The following SSBP2 variants were observed in gnomAD, a reference collection of about 807,000 sequenced individuals.
The protein encoded by SSBP2 is single-stranded DNA-binding protein 2.
In SSBP2, 17 loss-of-function variants were observed where a neutral mutation model predicts 61.8. That is an observed-to-expected ratio of 0.28 (90% confidence interval 0.19 to 0.41). SSBP2 has a LOEUF of 0.41. Among genes scored for constraint, SSBP2 ranks in the 10% least tolerant of loss-of-function variants. The pLI is 1.00. For synonymous variants in SSBP2, 139 were observed against 141.3 expected (o/e 0.98, Z 0.12); for missense variants, 310 against 458.7 (o/e 0.68, Z 2.96).
At position 81,473,686 on chromosome 5, in the gene SSBP2, C is replaced by T. The variant is rs1213502510; in HGVS notation, c.570+14G>A. 8 of 1,612,828 alleles carry T rather than the reference C, an allele frequency of 5.0e-6. No individual in the cohort carries two copies. Among genetic ancestry groups the T allele is most frequent in the African/African-American group, 1.3e-5 (1 of 74,850 alleles). ...CCATATCTTTGCTATTGTAAATATG[C>T]ACTGATTATTTACCTGTGGTCCTAA... On this transcript the variant is annotated intron_variant, in intron 8 of 16. Transcript: ENST00000320672.
At chr5:81,491,332 A>G (rs1274665485) in intron 5 of SSBP2, among the ~76,000 whole-genome samples, 1 of 152,248 alleles carries the variant, frequency 6.6e-6, no homozygotes, top group Non-Finnish European at 1.5e-5. Context: ...TATGTGAAAA[A>G]TATTACTAAA....
intron 1 of SSBP2, among the ~76,000 whole-genome samples, chr5:81,698,862 G>T (rs1226108583): frequency 1.3e-5 from 2 of 152,108 alleles, no homozygotes; most frequent in African/African-American, 4.8e-5. Flanking sequence ...ATCTAATTCT[G>T]AAGTCTTTGT....
intron 2 of SSBP2, among the ~76,000 whole-genome samples, chr5:81,638,500 C>T (rs892253946): frequency 1.3e-5 from 2 of 148,750 alleles, no homozygotes; most frequent in African/African-American, 2.5e-5. Flanking sequence ...TCCAGCCTGA[C>T]AGAGCAAGAC....
chr5:81,521,695 T>TA (rs1383630916), intron 4 of SSBP2, among the ~76,000 whole-genome samples: 1 of 152,042 alleles, frequency 6.6e-6, no homozygotes, highest in African/African-American at 2.4e-5. Flanking sequence ...TTGGTCTCTT[T>TA]AAATTACTTG....
At chr5:81,656,720 T>C (rs2153730182) in intron 1 of SSBP2, among the ~76,000 whole-genome samples, 1 of 136,500 alleles carries the variant, frequency 7.3e-6, no homozygotes, top group Admixed American at 7.4e-5. Flanking sequence ...GGCCTGTAAG[T>C]AACTCCAAAA....
intron 1 of SSBP2, among the ~76,000 whole-genome samples, chr5:81,726,495 T>C (rs960978024): frequency 6.6e-6 from 1 of 152,136 alleles, no homozygotes; most frequent in African/African-American, 2.4e-5. Flanking sequence ...GCCACTGTTA[T>C]TCACTGTGCT....
intron 1 of SSBP2, among the ~76,000 whole-genome samples, chr5:81,712,013 A>G (rs188118335): frequency 5.9e-5 from 9 of 151,930 alleles, no homozygotes; most frequent in African/African-American, 2.2e-4. Flanking sequence ...CACTGTTGCT[A>G]GTATTATAGT....
chr5:81,689,506 T>C (rs1434866837), intron 1 of SSBP2, among the ~76,000 whole-genome samples: 1 of 151,284 alleles, frequency 6.6e-6, no homozygotes, highest in African/African-American at 2.4e-5. Context: ...AAAGCTCTAA[T>C]ACATCTGACA....
chr5:81,507,642 G>A (rs1413983949), intron 5 of SSBP2, among the ~76,000 whole-genome samples: 1 of 152,010 alleles, frequency 6.6e-6, no homozygotes, highest in Non-Finnish European at 1.5e-5. Flanking sequence ...AGAGTGATAA[G>A]GAAGTTATAG....
At chr5:81,492,991 C>T (rs1406772129) in intron 5 of SSBP2, among the ~76,000 whole-genome samples, 1 of 151,682 alleles carries the variant, frequency 6.6e-6, no homozygotes, top group Non-Finnish European at 1.5e-5. Context: ...GGCATATGTT[C>T]CTAAGGCACA....
At position 81,440,626 on chromosome 5, in the gene SSBP2, C is replaced by A. The variant is rs1296936179; in HGVS notation, c.860G>T (p.Gly287Val). The stretch of plus-strand genomic sequence containing the variant: ...ACCCATGGGACCATCTGACCCAGGA[C>A]CCATTGGAAACTATTTTAAAAATGA... Residue 287 changes from glycine to valine, a missense_variant, in exon 14 of 17, where the codon GGT becomes GTT. Physicochemically the swap from Gly to Val is moderately radical, Grantham distance 109. This residue lies in a region of SSBP2 where 209 missense variants were observed against 286.4 expected (regional missense o/e 0.73). Coordinates refer to ENST00000320672, the MANE Select transcript of SSBP2 (RefSeq NM_012446.5). 2 of 1,600,026 alleles carry A rather than the reference C, an allele frequency of 1.2e-6. No individual in the cohort carries two copies. Among genetic ancestry groups the A allele is most frequent in the Non-Finnish European group, 1.7e-6 (2 of 1,175,504 alleles).
intron 1 of SSBP2, among the ~76,000 whole-genome samples, chr5:81,657,794 A>T (rs1297143450): frequency 6.6e-6 from 1 of 152,164 alleles, no homozygotes; most frequent in Non-Finnish European, 1.5e-5. Flanking sequence ...TTTTCTGCAA[A>T]TTCTTTTCCT....
chr5:81,548,908 C>A (rs1027443842), intron 4 of SSBP2, among the ~76,000 whole-genome samples: 15 of 151,896 alleles, frequency 9.9e-5, no homozygotes, highest in Non-Finnish European at 1.9e-4. Flanking sequence ...GGCGACAGAG[C>A]GAGACTCCAT....
chr5:81,706,292 A>G (rs558331061), intron 1 of SSBP2, among the ~76,000 whole-genome samples: 1 of 152,286 alleles, frequency 6.6e-6, no homozygotes, highest in East Asian at 1.9e-4. Context: ...GGGTACTCAC[A>G]GTCATAAAGA....
chr5:81,644,334 T>C (rs1483767559), intron 2 of SSBP2, among the ~76,000 whole-genome samples: 4 of 152,188 alleles, frequency 2.6e-5, no homozygotes, highest in African/African-American at 9.7e-5. Context: ...AAAGGAAGAA[T>C]GCAGAGAGGA....
intron 5 of SSBP2, among the ~76,000 whole-genome samples, chr5:81,499,973 T>TTAAGTGGTAGTCCTTTCA (rs1767574192): frequency 1.3e-5 from 2 of 152,232 alleles, no homozygotes; most frequent in Non-Finnish European, 2.9e-5. Context: ...TTTCTACTGA[T>TTAAGTGGTAGTCCTTTCA]TAAGTGGTAG....
At chr5:81,637,984 T>G (rs1270515332) in intron 2 of SSBP2, among the ~76,000 whole-genome samples, 1 of 151,828 alleles carries the variant, frequency 6.6e-6, no homozygotes, top group Non-Finnish European at 1.5e-5. Flanking sequence ...ATCATCATTC[T>G]CAGCAAACTT....
intron 1 of SSBP2, among the ~76,000 whole-genome samples, chr5:81,679,209 A>G (rs1160158560): frequency 6.6e-6 from 1 of 152,184 alleles, no homozygotes; most frequent in Non-Finnish European, 1.5e-5. Context: ...GGGTTTTGCC[A>G]TGTTGGCCAG....
At chr5:81,623,064 C>A (rs1292996829) in intron 3 of SSBP2, among the ~76,000 whole-genome samples, 1 of 151,296 alleles carries the variant, frequency 6.6e-6, no homozygotes, top group African/African-American at 2.4e-5. Flanking sequence ...AAGGATACAG[C>A]TAAAAGTTTT....
Sources: allele counts gnomAD v4.1 joint callset (sites outside exome capture counted in the v4.1 genomes callset), GRCh38; gene constraint gnomAD v4.1.1; regional missense constraint gnomAD v4.1.1; transcripts MANE v1.5; gene names NCBI Gene and HGNC (gene_info 2026-07-23, HGNC 2026-07-21).